The following SMOX variants were observed in gnomAD, a reference collection of about 807,000 sequenced individuals.
The protein encoded by SMOX is spermine oxidase.
In SMOX, 22 loss-of-function variants were observed where a neutral mutation model predicts 51.0. The observed-to-expected ratio is 0.43, with a 90% CI of 0.31 to 0.62. The LOEUF (loss-of-function observed/expected upper bound fraction) is 0.62, where lower values mean the gene tolerates loss of function less well. Ranked by LOEUF, SMOX falls within the 20% of genes least tolerant of loss-of-function variation. The pLI, the probability that SMOX is intolerant of heterozygous loss-of-function variation, is 0.10. For synonymous variants in SMOX, 282 were observed against 307.8 expected (o/e 0.92, Z 0.88); for missense variants, 566 against 777.7 (o/e 0.73, Z 3.24).
At chr20:4,176,758 C>G (rs1352912027) in intron 2 of SMOX, among the ~76,000 whole-genome samples, 1 of 152,122 alleles carries the variant, frequency 6.6e-6, no homozygotes, top group Non-Finnish European at 1.5e-5. Context: ...TGTCCCCTGC[C>G]CCAGTCCGGC....
rs567732615 is a variant in SMOX at position 4,150,554 on chromosome 20, C to A, written c.-27+1577C>A. On this transcript the variant is annotated intron_variant, in intron 1 of 6. Transcript: ENST00000305958. Reference sequence around the variant, plus strand: ...GGGCTTTGTCCGTAGCCGCTTCTCTCTCTGGTCTATTTACAAACCCTTCCC... The same window carrying A: ...GGGCTTTGTCCGTAGCCGCTTCTCTATCTGGTCTATTTACAAACCCTTCCC... 1.4e-4 allele frequency among the ~76,000 whole-genome samples: 21 copies of A among 152,332 alleles called. No individual in the cohort carries two copies. In the East Asian group the frequency reaches 3.5e-3, roughly 25 times the overall value.
rs1979539633 is a variant in SMOX, at chr20:4,183,820, C to T, written c.1530+166C>T. ...GAGAACACAAGGAAAAAAGTGTGCA[C>T]TTAATATCTGGAAGAAAAAATGGAA... On this transcript the variant is annotated intron_variant, in intron 6 of 6. Coordinates refer to ENST00000305958, the MANE Select transcript of SMOX (RefSeq NM_175839.3). This position sits in a 1 kb window ranked among gnomAD's most constrained non-coding sequence, Gnocchi z 4.3. Among the ~76,000 whole-genome samples, 1 of 151,912 alleles carries T rather than the reference C, an allele frequency of 6.6e-6. No homozygotes were observed. Among genetic ancestry groups the T allele is most frequent in the South Asian group, 2.1e-4 (1 of 4,808 alleles).
chr20:4,168,114 G>A lies in SMOX; in HGVS notation c.-26-6916G>A, dbSNP rs57191924. ...TCCTGTTAGAAACCTGAGAAAGAGC[G>A]GGGTAGGGGTGGGGGGGTGGGGAGG... is the stretch of plus-strand genomic sequence containing the variant. On this transcript the variant is annotated intron_variant, in intron 1 of 6. Transcript: ENST00000305958. Among the ~76,000 whole-genome samples the A allele has an allele frequency of 1.5e-3, 226 of 146,506 alleles. 1 individual carries two copies. The highest frequency in any genetic ancestry group is 5.0e-3 in the African/African-American group (204 of 40,652).
intron 1 of SMOX, among the ~76,000 whole-genome samples, chr20:4,152,120 A>T (rs1001997302): frequency 2.6e-5 from 4 of 152,198 alleles, no homozygotes; most frequent in Non-Finnish European, 5.9e-5. Flanking sequence ...GCAGGGCTGT[A>T]TGCCGAGGGC....
In SMOX at chr20:4,179,225, A is replaced by G. The variant is rs1399011305; in HGVS notation, c.435+1648A>G. Among the ~76,000 whole-genome samples the G allele has an allele frequency of 3.3e-5, 5 of 152,230 alleles. No homozygotes were observed. In the East Asian group the frequency reaches 7.7e-4, roughly 23 times the overall value. On this transcript the variant is annotated intron_variant, in intron 3 of 6. Coordinates refer to ENST00000305958, the MANE Select transcript of SMOX (RefSeq NM_175839.3). ...GGAAATCAGCCCCAGCCTGATTCCC[A>G]GGTTATTGTGAGTGATTCAAACATG... is the stretch of plus-strand genomic sequence containing the variant.
chr20:4,176,811 C>G (rs1407114312), intron 2 of SMOX, among the ~76,000 whole-genome samples: 2 of 152,158 alleles, frequency 1.3e-5, no homozygotes, highest in Non-Finnish European at 2.9e-5. Context: ...TAGAGGGCTT[C>G]ACTTTCCCTG....
Position 4,183,751 on chromosome 20 carries a change from G to A in SMOX, c.1530+97G>A. The A allele has an allele frequency of 7.2e-7, 1 of 1,390,652 alleles. No individual in the cohort carries two copies. The highest frequency in any genetic ancestry group is 9.4e-7 in the Non-Finnish European group (1 of 1,062,552). The allele number at this position is 1,390,652 out of a possible 1,614,324, so 86.1% of individuals were successfully genotyped here. ...GAGGGCTAGGGTAGTGTTCACTAAG[G>A]GGTGCTCAGGTGAGGCAGGGATGGA... is the stretch of plus-strand genomic sequence containing the variant. On this transcript the variant is annotated intron_variant, in intron 6 of 6. Transcript: ENST00000305958. This position sits in a 1 kb window ranked among gnomAD's most constrained non-coding sequence, Gnocchi z 4.3.
At chr20:4,185,710 A>G (rs200791615) in intron 6 of SMOX, among the ~76,000 whole-genome samples, 2 of 107,064 alleles carry the variant, frequency 1.9e-5, no homozygotes, top group East Asian at 5.8e-4. Context: ...CCTGGCCAAC[A>G]TGGCGAAACC....
In SMOX at chr20:4,172,343, C is replaced by T. The variant is rs1261401523; in HGVS notation, c.-26-2687C>T. Among the ~76,000 whole-genome samples, 4 of 152,192 alleles carry T rather than the reference C, an allele frequency of 2.6e-5. No individual in the cohort carries two copies. Among genetic ancestry groups the T allele is most frequent in the African/African-American group, 7.2e-5 (3 of 41,458 alleles). ...ACCGACCTGACGCAGCGTCCCGGCCCGGCTGGCAGACATCCGGCGGCATCG... is the reference window on the plus strand; with the variant it reads ...ACCGACCTGACGCAGCGTCCCGGCCTGGCTGGCAGACATCCGGCGGCATCG... On this transcript the variant is annotated intron_variant, in intron 1 of 6. Transcript: ENST00000305958. This position sits in a 1 kb window ranked among gnomAD's most constrained non-coding sequence, Gnocchi z 7.7.
chr20:4,181,688 A>G lies in SMOX; in HGVS notation c.436-115A>G. On this transcript the variant is annotated intron_variant, in intron 3 of 6. Transcript: ENST00000305958. This position sits in a 1 kb window ranked among gnomAD's most constrained non-coding sequence, Gnocchi z 5.6. ...ATCGGATCCCTAAGGGACAGAGACC[A>G]GGGGCTCAGTGCATCCAGGGGACAC... 8.0e-7 allele frequency: 1 copy of G among 1,249,736 alleles called. No individual in the cohort carries two copies. Among genetic ancestry groups the G allele is most frequent in the Non-Finnish European group, 1.1e-6 (1 of 890,210 alleles). 77.4% of individuals were successfully genotyped at this position (1,249,736 alleles called of 1,614,324 possible).
In SMOX at chr20:4,166,981, C is replaced by A. The variant is rs1484929187; in HGVS notation, c.-26-8049C>A. Among the ~76,000 whole-genome samples, 1 of 152,218 alleles carries A rather than the reference C, an allele frequency of 6.6e-6. No individual in the cohort carries two copies. Among genetic ancestry groups the A allele is most frequent in the East Asian group, 1.9e-4 (1 of 5,200 alleles). On this transcript the variant is annotated intron_variant, in intron 1 of 6. Transcript: ENST00000305958. This position sits in a 1 kb window ranked among gnomAD's most constrained non-coding sequence, Gnocchi z 4.2. ...GGGTGCCAGGCAGGATGATGGAGGC[C>A]TTCCCTGTTTTTGGCCTGTGAGGGC...
Position 4,183,362 on chromosome 20 carries a change from C to T in SMOX, c.1370-132C>T, listed in dbSNP as rs532040439. ...CCTCCCTCCTTCCTCTTCTATCCTC[C>T]GTGCCTACCCCTGGCAGTCTGGTCC... On this transcript the variant is annotated intron_variant, in intron 5 of 6. Coordinates refer to ENST00000305958, the MANE Select transcript of SMOX (RefSeq NM_175839.3). The surrounding 1 kb of genome is among the most constrained non-coding windows in gnomAD (Gnocchi z 4.3). The T allele has an allele frequency of 3.2e-5, 43 of 1,343,230 alleles. No individual in the cohort carries two copies. The highest frequency in any genetic ancestry group is 3.7e-5 in the Non-Finnish European group (35 of 945,476). The allele number at this position is 1,343,230 out of a possible 1,614,324, so 83.2% of individuals were successfully genotyped here.
At chr20:4,169,363 CGG>C (rs894954927) in intron 1 of SMOX, among the ~76,000 whole-genome samples, 1 of 152,078 alleles carries the variant, frequency 6.6e-6, no homozygotes, top group Non-Finnish European at 1.5e-5. Flanking sequence ...GTGTGGGGTA[CGG>C]GAGGCTGGCC....
intron 1 of SMOX, among the ~76,000 whole-genome samples, chr20:4,169,817 G>A (rs1174186025): frequency 1.3e-5 from 2 of 152,162 alleles, no homozygotes; most frequent in African/African-American, 2.4e-5. Context: ...CATACTAAGA[G>A]AACCCAGAAC....
rs1354376024 is a variant in SMOX, at chr20:4,181,381, CTT to C, written c.436-421_436-420del. On this transcript the variant is annotated intron_variant, in intron 3 of 6. Coordinates refer to ENST00000305958, the MANE Select transcript of SMOX (RefSeq NM_175839.3). The surrounding 1 kb of genome is among the most constrained non-coding windows in gnomAD (Gnocchi z 5.6). ...CTTGGGAGCGGGCAAAGCAGACACA[CTT>C]GGGCAGGGGTGGCAGGGAAAGTGCA... Among the ~76,000 whole-genome samples, 2 of 152,190 alleles carry C rather than the reference CTT, an allele frequency of 1.3e-5. No homozygotes were observed. The highest frequency in any genetic ancestry group is 2.9e-5 in the Non-Finnish European group (2 of 68,030).
chr20:4,187,371 T>C lies in SMOX; in HGVS notation c.1632T>C (p.Ile544=). The change falls in exon 7 of 7, where the codon ATT becomes ATC. Residue 544 remains isoleucine (I), a synonymous_variant. Transcript: ENST00000305958. This position sits in a 1 kb window ranked among gnomAD's most constrained non-coding sequence, Gnocchi z 4.8. ...GCCAGCGTGAGGCTGCCCGCCTCAT[T>C]GAGATGTACCGAGACCTCTTCCAGC... ...LSGQREAARL[I]EMYRDLFQQG... is the part of the protein sequence containing the mutation. The C allele has an allele frequency of 2.5e-6, 4 of 1,608,602 alleles. No individual in the cohort carries two copies. The highest frequency in any genetic ancestry group is 1.7e-4 in the Middle Eastern group (1 of 6,054).
chr20:4,163,257 C>T (rs1232823362), intron 1 of SMOX, among the ~76,000 whole-genome samples: 2 of 151,806 alleles, frequency 1.3e-5, no homozygotes, highest in East Asian at 3.9e-4. Context: ...ATTTAGATGA[C>T]CTGGTATAGG....
In SMOX at chr20:4,150,000, A is replaced by G. The variant is rs1985653587; in HGVS notation, c.-27+1023A>G. 6.6e-6 allele frequency among the ~76,000 whole-genome samples: 1 copy of G among 152,004 alleles called. No homozygotes were observed. The highest frequency in any genetic ancestry group is 1.5e-5 in the Non-Finnish European group (1 of 67,994). On this transcript the variant is annotated intron_variant, in intron 1 of 6. Coordinates refer to ENST00000305958, the MANE Select transcript of SMOX (RefSeq NM_175839.3). The surrounding 1 kb of genome is among the most constrained non-coding windows in gnomAD (Gnocchi z 6.0). ...CTTGTTAGGCGGAGAGGGCATCCCAATTCCTGCCGCTGGCCCTGCCTCCGC... is the reference window on the plus strand; with the variant it reads ...CTTGTTAGGCGGAGAGGGCATCCCAGTTCCTGCCGCTGGCCCTGCCTCCGC...
chr20:4,184,973 A>G (rs537346674), intron 6 of SMOX, among the ~76,000 whole-genome samples: 1 of 152,356 alleles, frequency 6.6e-6, no homozygotes, highest in African/African-American at 2.4e-5. Flanking sequence ...CAGTTCTCAC[A>G]TCTGCATCTT....
Sources: gnomAD v4.1 joint callset for allele counts (sites outside exome capture counted in the v4.1 genomes callset) on GRCh38, gnomAD v4.1.1 for gene constraint, Gnocchi (gnomAD v3.1) non-coding constraint, MANE v1.5 for transcripts, NCBI Gene and HGNC (gene_info 2026-07-23, HGNC 2026-07-21) for gene names.